Variants in ABCF2 observed in about 807,000 individuals in gnomAD.
The protein encoded by ABCF2 is ATP binding cassette subfamily F member 2.
A neutral mutation model predicts 76.9 loss-of-function variants in ABCF2; 37 were observed. The observed-to-expected ratio is 0.48, with a 90% confidence interval of 0.37 to 0.63. The LOEUF is 0.63. Ranked by LOEUF, ABCF2 falls within the 30% of genes least tolerant of loss-of-function variation. The pLI, the probability that ABCF2 is intolerant of heterozygous loss-of-function variation, is 0.00. For missense variants in ABCF2, 524 were observed against 782.1 expected, an observed-to-expected ratio of 0.67 and a Z score of 3.94; for synonymous variants, 299 against 283.7, an observed-to-expected ratio of 1.05 and a Z score of -0.54.
At position 151,211,627 on chromosome 7, in the gene ABCF2, G is replaced by C; in HGVS notation, c.*2427C>G. On this transcript the variant is annotated 3_prime_UTR_variant, in exon 15 of 15. Transcript: ENST00000287844. ...CTCCTGTCCTAGTATGGAGACTCTG[G>C]AGATCCCGAGACTACCTGAATTCTT... 2 of 985,310 alleles carry C rather than the reference G, an allele frequency of 2.0e-6. No homozygotes were observed. The highest frequency in any genetic ancestry group is 2.4e-6 in the Non-Finnish European group (2 of 829,910). The allele number at this position is 985,310 out of a possible 1,614,324, so 61.0% of individuals were successfully genotyped here.
In ABCF2 at chr7:151,215,901, C is replaced by A; in HGVS notation, c.1401+66G>T. Reference sequence around the variant, plus strand: ...AGGGGGTGGGGGCGGCTGGCTGGAACTCAGCCAGATACAGCCCCTCCCTAT... The same window carrying A: ...AGGGGGTGGGGGCGGCTGGCTGGAAATCAGCCAGATACAGCCCCTCCCTAT... On this transcript the variant is annotated intron_variant, in intron 12 of 14. Coordinates refer to ENST00000287844, the MANE Select transcript of ABCF2 (RefSeq NM_007189.3). The surrounding 1 kb of genome is among the most constrained non-coding windows in gnomAD (Gnocchi z 4.6). 6.3e-7 allele frequency: 1 copy of A among 1,588,644 alleles called. No homozygotes were observed.
In ABCF2 at chr7:151,226,419, TC is replaced by T; in HGVS notation, c.39del (p.Lys14ArgfsTer40). 1 of 1,614,164 alleles carries T rather than the reference TC, an allele frequency of 6.2e-7. No individual in the cohort carries two copies. On this transcript the variant is annotated frameshift_variant, in exon 2 of 15. Coordinates refer to ENST00000287844, the MANE Select transcript of ABCF2 (RefSeq NM_007189.3). LOFTEE classifies it high-confidence loss of function. ...CGCTGTCGAGCTTTGGCAGCCTCCT[TC>T]TTTTTGGCTGCCTTCTTCTTGGCCA... ...SDLAKKKAAK[K>X]KEAAKARQRP...
At position 151,214,344 on chromosome 7, in the gene ABCF2, C is replaced by G. The variant is rs1441688877; in HGVS notation, c.1735-153G>C. Among the ~76,000 whole-genome samples the G allele has an allele frequency of 6.6e-6, 1 of 152,176 alleles. No individual in the cohort carries two copies. Among genetic ancestry groups the G allele is most frequent in the East Asian group, 1.9e-4 (1 of 5,190 alleles). On this transcript the variant is annotated intron_variant, in intron 14 of 14. Transcript: ENST00000287844. The surrounding 1 kb of genome is among the most constrained non-coding windows in gnomAD (Gnocchi z 4.9). ...CTACTTCTAAGTTATTTGGGATGTTCTAACCCAAGGGTACCATCATCAGGT... is the reference window on the plus strand; with the variant it reads ...CTACTTCTAAGTTATTTGGGATGTTGTAACCCAAGGGTACCATCATCAGGT...
At position 151,214,392 on chromosome 7, in the gene ABCF2, C is replaced by A. The variant is rs553064148; in HGVS notation, c.1735-201G>T. Among the ~76,000 whole-genome samples, 1 of 152,336 alleles carries A rather than the reference C, an allele frequency of 6.6e-6. No homozygotes were observed. Among genetic ancestry groups the A allele is most frequent in the East Asian group, 1.9e-4 (1 of 5,184 alleles). On this transcript the variant is annotated intron_variant, in intron 14 of 14. Transcript: ENST00000287844. The surrounding 1 kb of genome is among the most constrained non-coding windows in gnomAD (Gnocchi z 4.9). ...GGTTTGGAGCCTTCCAAGCCAGGAA[C>A]TGCTGTGTCACTCCTATTGTCAGCT...
At position 151,215,102 on chromosome 7, in the gene ABCF2, A is replaced by G. The variant is rs767425404; in HGVS notation, c.1531-20T>C. On this transcript the variant is annotated intron_variant, in intron 13 of 14. Coordinates refer to ENST00000287844, the MANE Select transcript of ABCF2 (RefSeq NM_007189.3). The surrounding 1 kb of genome is among the most constrained non-coding windows in gnomAD (Gnocchi z 4.6). The stretch of plus-strand genomic sequence containing the variant: ...GCTCACCTGAGTAGAACCGTGACCT[A>G]CATATAACTTGGCATTATCCCCGCC... 1.2e-6 allele frequency: 2 copies of G among 1,603,042 alleles called. No individual in the cohort carries two copies. Among genetic ancestry groups the G allele is most frequent in the East Asian group, 2.3e-5 (1 of 44,432 alleles).
chr7:151,215,572 C>G lies in ABCF2; in HGVS notation c.1530+32G>C. 1.2e-6 allele frequency: 2 copies of G among 1,612,478 alleles called. No individual in the cohort carries two copies. The highest frequency in any genetic ancestry group is 1.1e-5 in the South Asian group (1 of 90,950). ...CACCCAGCCACAGTCTGCCAGCTAT[C>G]TGGCATCCTCACCACACCCTCCTTT... On this transcript the variant is annotated intron_variant, in intron 13 of 14. Transcript: ENST00000287844. This position sits in a 1 kb window ranked among gnomAD's most constrained non-coding sequence, Gnocchi z 4.6.
chr7:151,215,551 C>G lies in ABCF2; in HGVS notation c.1530+53G>C. 6.2e-7 allele frequency: 1 copy of G among 1,607,430 alleles called. No homozygotes were observed. The highest frequency in any genetic ancestry group is 8.5e-7 in the Non-Finnish European group (1 of 1,176,918). Reference sequence around the variant, plus strand: ...CCAGGACAGTATCCCCTGACCCACCCAGCCACAGTCTGCCAGCTATCTGGC... The same window carrying G: ...CCAGGACAGTATCCCCTGACCCACCGAGCCACAGTCTGCCAGCTATCTGGC... On this transcript the variant is annotated intron_variant, in intron 13 of 14. Transcript: ENST00000287844. The surrounding 1 kb of genome is among the most constrained non-coding windows in gnomAD (Gnocchi z 4.6).
At position 151,226,289 on chromosome 7, in the gene ABCF2, C is replaced by CAT; in HGVS notation, c.154+15_154+16insAT. ...GTCTTAGCAACCATCCCCAACTCAC[C>CAT]CCTCCCTCAATTCACCTGTGGTCTC... On this transcript the variant is annotated intron_variant, in intron 2 of 14. Coordinates refer to ENST00000287844, the MANE Select transcript of ABCF2 (RefSeq NM_007189.3). 1 of 1,608,112 alleles carries CAT rather than the reference C, an allele frequency of 6.2e-7. No homozygotes were observed. Among genetic ancestry groups the CAT allele is most frequent in the Non-Finnish European group, 8.5e-7 (1 of 1,176,564 alleles).
chr7:151,226,750 C>A, intron 1 of ABCF2: 1 of 287,020 alleles, frequency 3.5e-6, no homozygotes, highest in African/African-American at 2.2e-5. Context: ...TGGAAACGCT[C>A]CTTCTTTCAG....
rs1400261673 is a variant in ABCF2, at chr7:151,214,004, C to T, written c.*50G>A. ...TGTCCTGAGCGGCTGGTCAGGTTAG[C>T]AGCTGTTAGTTCCCAGATGGAGCTC... On this transcript the variant is annotated 3_prime_UTR_variant, in exon 15 of 15. Transcript: ENST00000287844. The surrounding 1 kb of genome is among the most constrained non-coding windows in gnomAD (Gnocchi z 4.9). The T allele has an allele frequency of 1.2e-6, 2 of 1,606,480 alleles. No homozygotes were observed. Among genetic ancestry groups the T allele is most frequent in the South Asian group, 1.1e-5 (1 of 90,410 alleles).
chr7:151,212,084 T>C lies in ABCF2; in HGVS notation c.*1970A>G. On this transcript the variant is annotated 3_prime_UTR_variant, in exon 15 of 15. Transcript: ENST00000287844. ...AATTTGTGTCCTGTATGGTTCTGTC[T>C]TACTGGCTTTCCAAGAAGATCATGA... 1 of 969,720 alleles carries C rather than the reference T, an allele frequency of 1.0e-6. No individual in the cohort carries two copies. The allele number at this position is 969,720 out of a possible 1,614,324, so 60.1% of individuals were successfully genotyped here. A position where few individuals can be genotyped will look rare whatever the true frequency, so the allele number is the denominator to read the frequency against.
chr7:151,214,779 A>T lies in ABCF2; in HGVS notation c.1734+100T>A. The stretch of plus-strand genomic sequence containing the variant: ...GTCTACACTCTGAGCCCCTTCTCTT[A>T]ATTCAGTAGGCGGGTATTATGCACC... On this transcript the variant is annotated intron_variant, in intron 14 of 14. Transcript: ENST00000287844. The surrounding 1 kb of genome is among the most constrained non-coding windows in gnomAD (Gnocchi z 4.9). The T allele has an allele frequency of 2.6e-6, 3 of 1,153,444 alleles. No individual in the cohort carries two copies. The highest frequency in any genetic ancestry group is 1.4e-5 in the South Asian group (1 of 73,838). 71.5% of individuals were successfully genotyped at this position (1,153,444 alleles called of 1,614,324 possible). A position where few individuals can be genotyped will look rare whatever the true frequency, so the allele number is the denominator to read the frequency against.
At chr7:151,224,208 C>A (rs75100208) in intron 3 of ABCF2, 94 bp from the exon 4 acceptor site, 62,017 of 1,291,632 alleles carry the variant, frequency 0.048, 2,098 homozygotes, top group East Asian at 0.13. Context: ...GGGACCTCAT[C>A]CATTTTTTTT....
At chr7:151,221,530 A>C in intron 7 of ABCF2, 48 bp downstream of exon 7, 1 of 1,090,798 alleles carries the variant, frequency 9.2e-7, no homozygotes, top group Non-Finnish European at 1.4e-6. Flanking sequence ...AGAATTTCAG[A>C]GAATTGGTAT....
rs1200625500 is a variant in ABCF2, at chr7:151,219,101, C to T, written c.980G>A (p.Arg327Lys). 17 of 1,613,990 alleles carry T rather than the reference C, an allele frequency of 1.1e-5. No homozygotes were observed. The East Asian group carries it at 3.6e-4, about 34-fold the overall frequency. The change falls in exon 8 of 15, where the codon AGG (arginine) becomes AAG (lysine). Residue 327 changes from arginine to lysine, a missense_variant. Arg to Lys is a conservative substitution (Grantham distance 26, BLOSUM62 2). This residue lies in a region of ABCF2 where 330 missense variants were observed against 433.6 expected (regional missense o/e 0.76). Transcript: ENST00000287844. ...AATCTGATCTTGCTCCCAGTGAAAC[C>T]TCTTCATCTGGTTCTCCTCCAGCTC... ...RLELEENQMK[R>K]FHWEQDQIAH... is the part of the protein sequence containing the mutation.
At position 151,215,684 on chromosome 7, in the gene ABCF2, T is replaced by C; in HGVS notation, c.1450A>G (p.Met484Val). 3.7e-6 allele frequency: 6 copies of C among 1,614,120 alleles called. No homozygotes were observed. The highest frequency in any genetic ancestry group is 5.1e-6 in the Non-Finnish European group (6 of 1,180,026). Residue 484 changes from methionine (M) to valine (V), a missense_variant, in exon 13 of 15, where the codon ATG becomes GTG. Around this residue, in one of 2 missense-constraint regions of ABCF2, gnomAD observed 194 missense variants for 348.6 expected, o/e 0.56. Coordinates refer to ENST00000287844, the MANE Select transcript of ABCF2 (RefSeq NM_007189.3). The surrounding 1 kb of genome is among the most constrained non-coding windows in gnomAD (Gnocchi z 4.6). ...TCCTTGATCTCTGGGTAGCACTTCA[T>C]CATGTACTCCAAAGGTGAGAGATCT... Reference protein sequence around the residue: ...DLDLSPLEYMMKCYPEIKEKE... With the variant: ...DLDLSPLEYMVKCYPEIKEKE...
chr7:151,226,274 C>T (rs997110737), intron 2 of ABCF2, 31 bp downstream of exon 2: 2 of 1,606,188 alleles, frequency 1.2e-6, no homozygotes, highest in Non-Finnish European at 1.7e-6. Context: ...GTCTTAGCAA[C>T]CATCCCCAAC....
At position 151,215,350 on chromosome 7, in the gene ABCF2, C is replaced by T. The variant is rs1342994514; in HGVS notation, c.1530+254G>A. On this transcript the variant is annotated intron_variant, in intron 13 of 14. Transcript: ENST00000287844. This position sits in a 1 kb window ranked among gnomAD's most constrained non-coding sequence, Gnocchi z 4.6. ...ATCCAGAAATTTGTTTTCTAGATTA[C>T]AAGTTCCTTTGCCCTCAAGCACTAT... Among the ~76,000 whole-genome samples the T allele has an allele frequency of 6.6e-6, 1 of 152,218 alleles. No individual in the cohort carries two copies. The highest frequency in any genetic ancestry group is 2.4e-5 in the African/African-American group (1 of 41,450).
Position 151,218,794 on chromosome 7 carries a change from A to G in ABCF2, c.1097T>C (p.Met366Thr). 1 of 1,612,554 alleles carries G rather than the reference A, an allele frequency of 6.2e-7. No individual in the cohort carries two copies. Among genetic ancestry groups the G allele is most frequent in the South Asian group, 1.1e-5 (1 of 90,972 alleles). Residue 366 changes from methionine to threonine, a missense_variant, in exon 9 of 15, where the codon ATG (methionine) becomes ACG (threonine). Physicochemically the swap from Met to Thr is moderately conservative, Grantham distance 81. Transcript: ENST00000287844. Reference protein sequence around the residue: ...AQSKEKTLQKMMASGLTERVV... With the variant: ...AQSKEKTLQKTMASGLTERVV... ...CCTCTCTGTCAGTCCTGATGCCATCATTTTCTGTAGCGTCTTCTCCTTGCT... is the reference window on the plus strand; with the variant it reads ...CCTCTCTGTCAGTCCTGATGCCATCGTTTTCTGTAGCGTCTTCTCCTTGCT...
Sources: allele counts gnomAD v4.1 joint callset (sites outside exome capture counted in the v4.1 genomes callset), GRCh38; gene constraint gnomAD v4.1.1; regional missense constraint gnomAD v4.1.1; non-coding constraint Gnocchi (gnomAD v3.1); transcripts MANE v1.5; gene names NCBI Gene and HGNC (gene_info 2026-07-23, HGNC 2026-07-21).